Variants in SFI1 observed in about 807,000 individuals in gnomAD.
The protein encoded by SFI1 is SFI1 centrin binding protein.
Under a neutral mutation model 207.5 loss-of-function variants are expected in SFI1, and 195 were observed. The observed-to-expected ratio is 0.94, with a 90% CI of 0.84 to 1.06. The LOEUF (loss-of-function observed/expected upper bound fraction) is 1.06. Among genes scored for constraint, SFI1 ranks in the 50% least tolerant of loss-of-function variants. SFI1 has a pLI of 0.00. For missense variants in SFI1, 1,634 were observed against 1,588.0 expected (o/e 1.03, Z -0.49); for synonymous variants, 630 against 598.9 (o/e 1.05, Z -0.76).
intron 6 of SFI1, 133 bp downstream of exon 6, chr22:31,550,481 T>C: frequency 2.9e-6 from 2 of 685,802 alleles, no homozygotes; most frequent in East Asian, 2.8e-5. Context: ...TTCTCTTTCA[T>C]ATTTTTCAGA....
Position 31,562,983 on chromosome 22 carries a change from T to TTATA in SFI1, c.765+1607_765+1610dup, listed in dbSNP as rs56072629. Among the ~76,000 whole-genome samples the TTATA allele has an allele frequency of 1.4e-3, 195 of 142,392 alleles. 2 individuals are homozygous for TTATA. Among genetic ancestry groups the TTATA allele is most frequent in the African/African-American group, 2.9e-3 (113 of 38,728 alleles). 93.4% of individuals were successfully genotyped at this position (142,392 alleles called of 152,430 possible). A position where few individuals can be genotyped will look rare whatever the true frequency, so the allele number is the denominator to read the frequency against. On this transcript the variant is annotated intron_variant, in intron 8 of 32. Transcript: ENST00000400288. ...AGCCAGAAAGCTGCATCATCATCTT[T>TTATA]TATATATATATATATATATGTTTTG...
chr22:31,613,440 G>A lies in SFI1; in HGVS notation c.2652G>A (p.Gln884=). The change falls in exon 26 of 33, where the codon CAG becomes CAA. Residue 884 remains glutamine (Q), a synonymous_variant. Transcript: ENST00000400288. The part of the protein sequence containing the change: ...LQWALQAYQG[Q]LLQEGATRLL... ...GGGCGCTCCAGGCCTACCAGGGGCAGCTCCTCCAGGAGGGTGCCACGCGGC... is the reference window on the plus strand; with the variant it reads ...GGGCGCTCCAGGCCTACCAGGGGCAACTCCTCCAGGAGGGTGCCACGCGGC... The A allele has an allele frequency of 3.7e-6, 6 of 1,608,462 alleles. No homozygotes were observed. The highest frequency in any genetic ancestry group is 3.4e-6 in the Non-Finnish European group (4 of 1,179,730).
intron 7 of SFI1, among the ~76,000 whole-genome samples, chr22:31,558,965 C>G (rs1379543287): frequency 6.6e-6 from 1 of 152,074 alleles, no homozygotes; most frequent in Non-Finnish European, 1.5e-5. Flanking sequence ...TACACCATAC[C>G]TAGCTAATTT....
chr22:31,576,804 T>G (rs762690181), intron 10 of SFI1, among the ~76,000 whole-genome samples: 1 of 151,976 alleles, frequency 6.6e-6, no homozygotes, highest in Non-Finnish European at 1.5e-5. Flanking sequence ...CATGTCCGGC[T>G]AATTTTTTTG....
rs1447225500 is a variant in SFI1, at chr22:31,602,747, C to T, written c.1767C>T (p.Phe589=). 6.2e-7 allele frequency: 1 copy of T among 1,614,068 alleles called. No individual in the cohort carries two copies. The highest frequency in any genetic ancestry group is 1.7e-5 in the Admixed American group (1 of 60,030). The change falls in exon 17 of 33, where the codon TTC becomes TTT. Residue 589 remains phenylalanine, a synonymous_variant. Coordinates refer to ENST00000400288, the MANE Select transcript of SFI1 (RefSeq NM_001007467.3). ...GCCACGGGCGGCTCAAGAAAGCTTT[C>T]TGCCTCTGGAGGGAAAGTGCCCAAG... ...HHRHGRLKKA[F]CLWRESAQGL... is the part of the protein sequence containing the mutation.
At chr22:31,542,228 G>T (rs1230211918) in intron 4 of SFI1, among the ~76,000 whole-genome samples, 2 of 150,642 alleles carry the variant, frequency 1.3e-5, no homozygotes, top group African/African-American at 4.9e-5. Context: ...CTTTTAATGT[G>T]TATGATGTAA....
At chr22:31,590,971 AT>A (rs1556252074) in intron 15 of SFI1, among the ~76,000 whole-genome samples, 1 of 32,428 alleles carries the variant, frequency 3.1e-5, no homozygotes, top group African/African-American at 9.5e-5. Context: ...TTATTTATTT[AT>A]TTATTTATTT....
chr22:31,521,976 A>G (rs1347799479), intron 2 of SFI1, among the ~76,000 whole-genome samples: 1 of 149,522 alleles, frequency 6.7e-6, no homozygotes, highest in Non-Finnish European at 1.5e-5. Flanking sequence ...TGTTGGCCAG[A>G]CTGGTCTTGA....
chr22:31,611,378 A>C, intron 23 of SFI1, 75 bp downstream of exon 23: 64 of 1,474,912 alleles, frequency 4.3e-5, no homozygotes, highest in Non-Finnish European at 5.3e-5. Flanking sequence ...ACCATTTCTC[A>C]GGAAGGGGTC....
intron 12 of SFI1, among the ~76,000 whole-genome samples, chr22:31,582,627 C>G (rs1025182107): frequency 5.9e-5 from 9 of 152,102 alleles, no homozygotes; most frequent in African/African-American, 2.2e-4. Context: ...GTGTACAGTT[C>G]AGTGACATGT....
At chr22:31,564,313 C>T (rs1179132002) in intron 8 of SFI1, among the ~76,000 whole-genome samples, 77 of 131,010 alleles carry the variant, frequency 5.9e-4, no homozygotes, top group African/African-American at 2.2e-3. Flanking sequence ...GGCGACAGAG[C>T]AAGACTCCAT....
At chr22:31,511,936 G>C (rs867701248) in intron 2 of SFI1, among the ~76,000 whole-genome samples, 2 of 152,166 alleles carry the variant, frequency 1.3e-5, no homozygotes, top group Non-Finnish European at 2.9e-5. Flanking sequence ...ACAGGTGTGA[G>C]TCACCGTGCC....
intron 15 of SFI1, among the ~76,000 whole-genome samples, chr22:31,590,769 C>T (rs1339248288): frequency 6.6e-6 from 1 of 150,430 alleles, no homozygotes; most frequent in Non-Finnish European, 1.5e-5. Context: ...TCCCAAAGTG[C>T]TGGGATTACA....
chr22:31,523,285 G>C (rs1291691047), intron 2 of SFI1, among the ~76,000 whole-genome samples: 1 of 152,046 alleles, frequency 6.6e-6, no homozygotes, highest in Non-Finnish European at 1.5e-5. Flanking sequence ...AGATTGTCTT[G>C]TTAAGGAGGG....
chr22:31,515,210 AT>A (rs2056314890), intron 2 of SFI1, among the ~76,000 whole-genome samples: 3 of 152,126 alleles, frequency 2.0e-5, no homozygotes, highest in African/African-American at 7.2e-5. Context: ...ATTTTGCTAG[AT>A]AATGATTTTC....
At chr22:31,572,006 A>G (rs2063000356) in intron 8 of SFI1, among the ~76,000 whole-genome samples, 1 of 152,176 alleles carries the variant, frequency 6.6e-6, no homozygotes, top group Non-Finnish European at 1.5e-5. Flanking sequence ...CTGCCAAGGC[A>G]GTAAACTCGG....
At chr22:31,554,345 A>G (rs1430140696) in intron 6 of SFI1, among the ~76,000 whole-genome samples, 4 of 150,406 alleles carry the variant, frequency 2.7e-5, no homozygotes, top group African/African-American at 7.3e-5. Flanking sequence ...GTCTCGCTCT[A>G]TTGCCCAGGC....
chr22:31,539,803 C>A (rs1472233552), intron 4 of SFI1, among the ~76,000 whole-genome samples: 1 of 151,992 alleles, frequency 6.6e-6, no homozygotes, highest in Non-Finnish European at 1.5e-5. Flanking sequence ...GCAACCTCTG[C>A]CTCCTGGGTT....
At chr22:31,514,557 G>A (rs1237117928) in intron 2 of SFI1, among the ~76,000 whole-genome samples, 1 of 148,040 alleles carries the variant, frequency 6.8e-6, no homozygotes, top group Non-Finnish European at 1.5e-5. Context: ...CTATTTAACT[G>A]AGGCTTTGTG....
Sources: allele counts gnomAD v4.1 joint callset (sites outside exome capture counted in the v4.1 genomes callset), GRCh38; gene constraint gnomAD v4.1.1; transcripts MANE v1.5; gene names NCBI Gene and HGNC (gene_info 2026-07-23, HGNC 2026-07-21).